EVL: variants seen among roughly 807,000 people sequenced by gnomAD.
EVL encodes the protein Enah/Vasp-like, also known as ena/VASP-like protein.
A neutral mutation model predicts 59.6 loss-of-function variants in EVL; 21 were observed. The ratio of observed to expected loss-of-function variants is 0.35; its 90% CI spans 0.25 to 0.51. The LOEUF (loss-of-function observed/expected upper bound fraction) is 0.51. Ranked by LOEUF, EVL falls within the 20% of genes least tolerant of loss-of-function variation. The probability of loss-of-function intolerance (pLI) is 0.97; values close to 1 mark genes in which losing one functional copy is unlikely to be tolerated. For synonymous variants in EVL, 198 were observed against 203.5 expected, an observed-to-expected ratio of 0.97 and a Z score of 0.23; for missense variants, 462 against 546.6, an observed-to-expected ratio of 0.85 and a Z score of 1.54.
At chr14:100,061,416 A>AAAG (rs1232463722), upstream of EVL, among the ~76,000 whole-genome samples, 2 of 144,432 alleles carry the variant, frequency 1.4e-5, no homozygotes, top group Non-Finnish European at 3.0e-5. Context: ...AAAAAAAAAA[A>AAAG]AAAAAAAAAA....
chr14:100,098,623 T>C (rs1338908053), intron 3 of EVL, among the ~76,000 whole-genome samples: 1 of 152,138 alleles, frequency 6.6e-6, no homozygotes, highest in Non-Finnish European at 1.5e-5. Flanking sequence ...TTTGCAGTGG[T>C]AGCTTTGGAG....
At chr14:100,038,771 G>GGTGTGTGTGT (rs61309441) in intron 1 of EVL, among the ~76,000 whole-genome samples, 23,726 of 140,768 alleles carry the variant, frequency 0.17, 2,157 homozygotes, top group South Asian at 0.25. Context: ...TGTGCCCTGG[G>GGTGTGTGTGT]GTGTGTGTGT....
intron 1 of EVL, among the ~76,000 whole-genome samples, chr14:100,073,380 G>T (rs1383589751): frequency 4.0e-5 from 6 of 148,778 alleles, no homozygotes; most frequent in African/African-American, 1.5e-4. Flanking sequence ...GGAGTGCAGT[G>T]GTGCAAACAC....
chr14:100,039,891 AC>A (rs1181210176), intron 1 of EVL, among the ~76,000 whole-genome samples: 2 of 151,890 alleles, frequency 1.3e-5, no homozygotes, highest in East Asian at 3.9e-4. Context: ...TGATCCTCTC[AC>A]CTCAGCCTCC....
intron 1 of EVL, among the ~76,000 whole-genome samples, chr14:100,028,828 A>G (rs555485367): frequency 6.6e-6 from 1 of 152,192 alleles, no homozygotes; most frequent in African/African-American, 2.4e-5. Flanking sequence ...TCTATTCTTC[A>G]TTATTAAATA....
chr14:100,004,545 A>G (rs1042392932), intron 1 of EVL, among the ~76,000 whole-genome samples: 4 of 152,092 alleles, frequency 2.6e-5, no homozygotes, highest in African/African-American at 7.2e-5. Context: ...TAATTTGATC[A>G]TATAAAAGTT....
Position 99,980,352 on chromosome 14 carries a change from G to A in EVL, c.5+8295G>A, listed in dbSNP as rs55881868. On this transcript the variant is annotated intron_variant, in intron 1 of 13. Transcript: ENST00000402714. ...GGCATCTGGATCCCAACATCCCGGG[G>A]TGCATGGTTGTGGCTGGTAATGCCT... is the stretch of plus-strand genomic sequence containing the variant. Among the ~76,000 whole-genome samples the A allele has an allele frequency of 0.012, 1,766 of 152,246 alleles. 80 individuals carry two copies. In the East Asian group the frequency reaches 0.16, roughly 13 times the overall value.
chr14:100,060,718 T>G (rs1198545297), upstream of EVL, among the ~76,000 whole-genome samples: 1 of 152,060 alleles, frequency 6.6e-6, no homozygotes, highest in Non-Finnish European at 1.5e-5. Flanking sequence ...ATGACCAGAA[T>G]TTCCCAAATT....
rs575168131 is a variant in EVL at position 100,129,284 on chromosome 14, G to A, written c.718-279G>A. On this transcript the variant is annotated intron_variant, in intron 6 of 13. Coordinates refer to ENST00000392920, the MANE Select transcript of EVL (RefSeq NM_016337.3). Reference sequence around the variant, plus strand: ...TTCTCCCCTCCCTCCCTCCCTCCATGTGTCATGGCTGGTCTTGGCAAAGAC... The same window carrying A: ...TTCTCCCCTCCCTCCCTCCCTCCATATGTCATGGCTGGTCTTGGCAAAGAC... 1.0e-4 allele frequency among the ~76,000 whole-genome samples: 15 copies of A among 146,006 alleles called. No individual in the cohort carries two copies. In the East Asian group the frequency reaches 3.0e-3, roughly 29 times the overall value.
At position 100,114,800 on chromosome 14, in the gene EVL, G is replaced by C. The variant is rs2146027; in HGVS notation, c.359-8739G>C. On this transcript the variant is annotated intron_variant, in intron 3 of 13. Coordinates refer to ENST00000392920, the MANE Select transcript of EVL (RefSeq NM_016337.3). The surrounding 1 kb of genome is among the most constrained non-coding windows in gnomAD (Gnocchi z 5.0). ...TTTCACTCCCACCTGCTCCGGGGGT[G>C]GGGGTGGGAGTGCTGGATCTTGGGG... Among the ~76,000 whole-genome samples the C allele has an allele frequency of 0.45, 68,044 of 151,804 alleles. 16,494 individuals are homozygous for C. The highest frequency in any genetic ancestry group is 0.54 in the Admixed American group (8,255 of 15,272).
intron 1 of EVL, among the ~76,000 whole-genome samples, chr14:99,987,631 A>G (rs1007893519): frequency 1.2e-4 from 18 of 152,196 alleles, no homozygotes; most frequent in Non-Finnish European, 1.9e-4. Context: ...GACAGGAGCG[A>G]GACTCTATCT....
upstream of EVL, among the ~76,000 whole-genome samples, chr14:100,061,550 C>T (rs951750277): frequency 4.7e-5 from 7 of 147,708 alleles, no homozygotes; most frequent in African/African-American, 1.8e-4. Context: ...ATGAGTAAAC[C>T]TAAAGACTTT....
intron 1 of EVL, among the ~76,000 whole-genome samples, chr14:99,994,412 T>G (rs1027245754): frequency 6.6e-6 from 1 of 152,054 alleles, no homozygotes; most frequent in Non-Finnish European, 1.5e-5. Context: ...TTTGATTCCC[T>G]TATCATTTCC....
chr14:100,033,071 G>A (rs1485322588), intron 1 of EVL, among the ~76,000 whole-genome samples: 1 of 152,128 alleles, frequency 6.6e-6, no homozygotes, highest in Admixed American at 6.5e-5. Flanking sequence ...GATTTTGATG[G>A]AAGTGCTGAA....
intron 1 of EVL, among the ~76,000 whole-genome samples, chr14:100,043,255 ATG>A (rs979380292): frequency 3.3e-5 from 5 of 150,456 alleles, no homozygotes; most frequent in African/African-American, 1.2e-4. Context: ...GTATATATAT[ATG>A]TGTGTGTGTA....
At chr14:99,976,694 A>G (rs1380597368) in intron 1 of EVL, among the ~76,000 whole-genome samples, 2 of 152,194 alleles carry the variant, frequency 1.3e-5, no homozygotes, top group Non-Finnish European at 2.9e-5. Context: ...CCTTCAGTAC[A>G]GTTTCAGGGA....
At chr14:99,976,284 C>G (rs1186209051) in intron 1 of EVL, among the ~76,000 whole-genome samples, 1 of 151,978 alleles carries the variant, frequency 6.6e-6, no homozygotes, top group Non-Finnish European at 1.5e-5. Flanking sequence ...TCCAGTGATA[C>G]TCCTGCCTCA....
chr14:100,002,489 A>G (rs1367728739), intron 1 of EVL, among the ~76,000 whole-genome samples: 1 of 152,230 alleles, frequency 6.6e-6, no homozygotes. Context: ...CCAGAATTAT[A>G]GGAGTTTCCT....
intron 3 of EVL, among the ~76,000 whole-genome samples, chr14:100,099,986 T>G (rs576450815): frequency 2.1e-5 from 2 of 97,408 alleles, no homozygotes; most frequent in Non-Finnish European, 3.6e-5. Flanking sequence ...TACTTGTACA[T>G]GCAGATACCT....
Sources: gnomAD v4.1 joint callset for allele counts (sites outside exome capture counted in the v4.1 genomes callset) on GRCh38, gnomAD v4.1.1 for gene constraint, Gnocchi (gnomAD v3.1) non-coding constraint, MANE v1.5 for transcripts, NCBI Gene and HGNC (gene_info 2026-07-23, HGNC 2026-07-21) for gene names.